PTPRD: variants seen among roughly 807,000 people sequenced by gnomAD.
PTPRD encodes protein tyrosine phosphatase receptor type D.
PTPRD carries 34 observed loss-of-function variants against 214.5 expected under a neutral mutation model. The observed-to-expected ratio is 0.16, with a 90% CI of 0.12 to 0.21. PTPRD has a LOEUF of 0.21. PTPRD is among the 10% of genes least tolerant of loss of function. PTPRD has a pLI of 1.00. For synonymous variants in PTPRD, 1,128 were observed against 845.7 expected (o/e 1.33, Z -5.79); for missense variants, 2,545 against 2,398.7 (o/e 1.06, Z -1.27).
intron 4 of PTPRD, among the ~76,000 whole-genome samples, chr9:9,952,643 T>C (rs939193542): frequency 6.6e-6 from 1 of 152,132 alleles, no homozygotes; most frequent in Non-Finnish European, 1.5e-5. Context: ...TAATAACTAT[T>C]CTCCCTTCCC....
chr9:10,103,707 T>C (rs1200192008), intron 3 of PTPRD, among the ~76,000 whole-genome samples: 1 of 151,614 alleles, frequency 6.6e-6, no homozygotes, highest in Admixed American at 6.6e-5. Flanking sequence ...TCCTCCCAAA[T>C]GGAGCTCTGG....
intron 2 of PTPRD, among the ~76,000 whole-genome samples, chr9:10,349,180 T>G (rs567219300): frequency 6.1e-5 from 9 of 147,164 alleles, no homozygotes; most frequent in Non-Finnish European, 1.3e-4. Context: ...TTTCTCAACA[T>G]CCTGTCCTTT....
chr9:10,284,582 C>T (rs150873592), intron 3 of PTPRD, among the ~76,000 whole-genome samples: 67 of 152,286 alleles, frequency 4.4e-4, no homozygotes, highest in African/African-American at 1.4e-3. Context: ...GTTATTATCT[C>T]ATAGTTCTTG....
At chr9:9,676,419 T>C (rs1027073385) in intron 7 of PTPRD, among the ~76,000 whole-genome samples, 1 of 151,954 alleles carries the variant, frequency 6.6e-6, no homozygotes, top group African/African-American at 2.4e-5. Context: ...GAATGATGGT[T>C]TCCAGCTTCA....
In PTPRD at chr9:8,906,281, A is replaced by C. The variant is rs150399546; in HGVS notation, c.-104+112416T>G. Among the ~76,000 whole-genome samples the C allele has an allele frequency of 2.6e-3, 397 of 152,294 alleles. 3 individuals carry two copies. Among genetic ancestry groups the C allele is most frequent in the African/African-American group, 8.8e-3 (365 of 41,562 alleles). Reference sequence around the variant, plus strand: ...GCAAGGAGCTAAGCACTGTTTTTTTAAGCACTTGTTTGAGCAAATTAACTC... The same window carrying C: ...GCAAGGAGCTAAGCACTGTTTTTTTCAGCACTTGTTTGAGCAAATTAACTC... On this transcript the variant is annotated intron_variant, in intron 11 of 45. Transcript: ENST00000381196.
intron 11 of PTPRD, among the ~76,000 whole-genome samples, chr9:8,890,087 AG>A (rs1299748003): frequency 1.3e-5 from 2 of 152,198 alleles, no homozygotes; most frequent in Non-Finnish European, 2.9e-5. Context: ...GTAGTGTAAA[AG>A]TGTTCCCTTT....
At chr9:10,354,475 C>T (rs1009548641) in intron 2 of PTPRD, among the ~76,000 whole-genome samples, 4 of 152,080 alleles carry the variant, frequency 2.6e-5, no homozygotes, top group African/African-American at 9.7e-5. Flanking sequence ...TCTTGGTTTC[C>T]GGTTTTTAAT....
At chr9:8,768,167 G>C (rs1037982268) in intron 11 of PTPRD, among the ~76,000 whole-genome samples, 3 of 152,196 alleles carry the variant, frequency 2.0e-5, no homozygotes, top group African/African-American at 7.2e-5. Flanking sequence ...TGCCAAGGCA[G>C]GAGGCTTGCT....
At chr9:10,515,297 C>T (rs1246662068) in intron 2 of PTPRD, among the ~76,000 whole-genome samples, 4 of 151,904 alleles carry the variant, frequency 2.6e-5, no homozygotes, top group Non-Finnish European at 5.9e-5. Flanking sequence ...TTTTTATGCT[C>T]CATGTCTTTT....
intron 8 of PTPRD, among the ~76,000 whole-genome samples, chr9:9,518,828 C>T (rs2096897466): frequency 6.6e-6 from 1 of 151,944 alleles, no homozygotes; most frequent in African/African-American, 2.4e-5. Flanking sequence ...AGGTAGCTTC[C>T]TATCACATCT....
chr9:9,662,638 T>C (rs1009704077), intron 7 of PTPRD, among the ~76,000 whole-genome samples: 1 of 151,654 alleles, frequency 6.6e-6, no homozygotes, highest in African/African-American at 2.4e-5. Flanking sequence ...AGATTCTATA[T>C]GTAGGGGAAA....
At chr9:10,078,202 G>A (rs1238212679) in intron 3 of PTPRD, among the ~76,000 whole-genome samples, 1 of 151,584 alleles carries the variant, frequency 6.6e-6, no homozygotes, top group African/African-American at 2.4e-5. Context: ...CAAAATCATA[G>A]ATCTCAGGGT....
intron 8 of PTPRD, among the ~76,000 whole-genome samples, chr9:9,479,628 C>A (rs530798832): frequency 1.8e-4 from 28 of 152,062 alleles, no homozygotes; most frequent in African/African-American, 6.5e-4. Context: ...TATTAGATAC[C>A]ATTCTTCCAA....
intron 4 of PTPRD, among the ~76,000 whole-genome samples, chr9:9,968,943 G>T (rs1031250176): frequency 9.9e-5 from 15 of 152,028 alleles, no homozygotes; most frequent in African/African-American, 3.6e-4. Flanking sequence ...ACTATTCAAG[G>T]CCCCCACGAT....
chr9:8,341,375 T>C (rs1054825441), intron 40 of PTPRD, 107 bp from the exon 41 acceptor site: 2 of 1,232,436 alleles, frequency 1.6e-6, no homozygotes, highest in African/African-American at 1.5e-5. Flanking sequence ...AAATCTTTTG[T>C]TTACTTAAAG....
intron 7 of PTPRD, among the ~76,000 whole-genome samples, chr9:9,695,491 C>T (rs982534122): frequency 6.6e-6 from 1 of 152,144 alleles, no homozygotes; most frequent in African/African-American, 2.4e-5. Flanking sequence ...TGGCTCTAAG[C>T]TCAGCCTAGC....
rs2096340263 is a variant in PTPRD at position 9,651,279 on chromosome 9, G to A, written c.-286-76498C>T. Among the ~76,000 whole-genome samples, 3 of 152,194 alleles carry A rather than the reference G, an allele frequency of 2.0e-5. No homozygotes were observed. The South Asian group carries it at 6.2e-4, about 32-fold the overall frequency. On this transcript the variant is annotated intron_variant, in intron 7 of 45. Transcript: ENST00000381196. ...TTTTAAGTTCAAGGATACAAGTGCAGATTTGTTACATAGGCAAACTTGTAT... is the reference window on the plus strand; with the variant it reads ...TTTTAAGTTCAAGGATACAAGTGCAAATTTGTTACATAGGCAAACTTGTAT...
chr9:9,086,806 T>C (rs956086687), intron 10 of PTPRD, among the ~76,000 whole-genome samples: 1 of 152,080 alleles, frequency 6.6e-6, no homozygotes, highest in Admixed American at 6.6e-5. Flanking sequence ...ACTGGTTAGG[T>C]GAGTCACAGA....
chr9:8,798,221 A>G (rs542302194), intron 11 of PTPRD, among the ~76,000 whole-genome samples: 9 of 152,296 alleles, frequency 5.9e-5, no homozygotes, highest in African/African-American at 2.2e-4. Flanking sequence ...TTAATACATT[A>G]GATCTTTAAA....
Sources: gnomAD v4.1 joint callset for allele counts (sites outside exome capture counted in the v4.1 genomes callset) on GRCh38, gnomAD v4.1.1 for gene constraint, MANE v1.5 for transcripts, NCBI Gene and HGNC (gene_info 2026-07-23, HGNC 2026-07-21) for gene names.